MACROD2: variants seen among roughly 807,000 people sequenced by gnomAD.
MACROD2 encodes the protein mono-ADP ribosylhydrolase 2, also known as ADP-ribose glycohydrolase MACROD2.
In MACROD2, 36 loss-of-function variants were observed where a neutral mutation model predicts 70.4. The observed-to-expected ratio is 0.51, with a 90% CI of 0.39 to 0.68. The LOEUF (loss-of-function observed/expected upper bound fraction) is 0.68. Ranked by LOEUF, MACROD2 falls within the 30% of genes least tolerant of loss-of-function variation. MACROD2 has a pLI of 0.00. For missense variants in MACROD2, 496 were observed against 538.4 expected, an observed-to-expected ratio of 0.92 and a Z score of 0.78; for synonymous variants, 172 against 178.8, an observed-to-expected ratio of 0.96 and a Z score of 0.30.
chr20:14,929,079 A>G (rs2074267452), intron 5 of MACROD2, among the ~76,000 whole-genome samples: 1 of 152,164 alleles, frequency 6.6e-6, no homozygotes, highest in African/African-American at 2.4e-5. Flanking sequence ...GCAAAGGAAA[A>G]CATTTCTCTA....
intron 5 of MACROD2, among the ~76,000 whole-genome samples, chr20:15,003,696 G>T (rs1447008745): frequency 6.6e-6 from 1 of 152,064 alleles, no homozygotes; most frequent in African/African-American, 2.4e-5. Context: ...AATAGGCCTT[G>T]CCCCCAAACT....
chr20:14,010,147 A>G (rs972157244), intron 2 of MACROD2, among the ~76,000 whole-genome samples: 2 of 152,218 alleles, frequency 1.3e-5, no homozygotes, highest in Admixed American at 1.3e-4. Context: ...TGGAAATTAA[A>G]AAAAAATTTG....
intron 3 of MACROD2, among the ~76,000 whole-genome samples, chr20:14,310,478 C>T (rs574982340): frequency 2.0e-5 from 3 of 152,092 alleles, no homozygotes; most frequent in African/African-American, 2.4e-5. Flanking sequence ...GCAGTACTCG[C>T]GTATTTGTGG....
At chr20:15,684,470 A>G (rs2050201143) in intron 8 of MACROD2, among the ~76,000 whole-genome samples, 1 of 152,360 alleles carries the variant, frequency 6.6e-6, no homozygotes, top group African/African-American at 2.4e-5. Flanking sequence ...TAGGACGGCT[A>G]CCACAATCAT....
At chr20:14,098,649 T>G (rs1228029555) in intron 3 of MACROD2, among the ~76,000 whole-genome samples, 6 of 152,190 alleles carry the variant, frequency 3.9e-5, no homozygotes, top group Non-Finnish European at 8.8e-5. Context: ...ATAAATGTTA[T>G]TTTTATGTAT....
chr20:15,332,815 A>T (rs2078007210), intron 6 of MACROD2, among the ~76,000 whole-genome samples: 1 of 151,640 alleles, frequency 6.6e-6, no homozygotes, highest in Non-Finnish European at 1.5e-5. Flanking sequence ...TGGGGATAGA[A>T]GCTGAGACCA....
intron 4 of MACROD2, among the ~76,000 whole-genome samples, chr20:14,642,893 G>A (rs994017051): frequency 1.3e-5 from 2 of 151,884 alleles, no homozygotes; most frequent in Non-Finnish European, 2.9e-5. Flanking sequence ...TGGAAAAAGT[G>A]GTGCTGATAG....
chr20:15,065,992 T>A (rs369393966), intron 5 of MACROD2, among the ~76,000 whole-genome samples: 3 of 152,198 alleles, frequency 2.0e-5, no homozygotes. Flanking sequence ...TGAGTTTAGG[T>A]TTGCTCCACA....
chr20:15,525,552 T>G (rs1038559865), intron 8 of MACROD2, among the ~76,000 whole-genome samples: 2 of 152,222 alleles, frequency 1.3e-5, no homozygotes, highest in African/African-American at 4.8e-5. Context: ...TTCACAGTAA[T>G]GAACCCAAAG....
intron 16 of MACROD2, among the ~76,000 whole-genome samples, chr20:16,044,227 T>G (rs181329975): frequency 1.1e-4 from 17 of 152,146 alleles, no homozygotes; most frequent in African/African-American, 3.9e-4. Context: ...CACACACTTT[T>G]AAACAACCAG....
intron 5 of MACROD2, among the ~76,000 whole-genome samples, chr20:14,697,758 T>C (rs1196019343): frequency 6.6e-6 from 1 of 152,208 alleles, no homozygotes; most frequent in Admixed American, 6.5e-5. Context: ...TAATTATCAC[T>C]GTTCTTGAGG....
At chr20:15,209,087 T>TGTG (rs537024871) in intron 5 of MACROD2, among the ~76,000 whole-genome samples, 233 of 151,678 alleles carry the variant, frequency 1.5e-3, no homozygotes, top group South Asian at 5.9e-3. Context: ...ATCCCTTTCC[T>TGTG]GTGGTGGTGG....
rs149186442 is a variant in MACROD2, at chr20:14,388,662, A to G, written c.272-104817A>G. On this transcript the variant is annotated intron_variant, in intron 3 of 17. Transcript: ENST00000684519. ...TTCAGAAAATGAATTGTCTGTCAGA[A>G]CTAGCAGGCCATCTGCAGCCGCAGA... is the stretch of plus-strand genomic sequence containing the variant. Among the ~76,000 whole-genome samples, 729 of 152,280 alleles carry G rather than the reference A, an allele frequency of 4.8e-3. 4 individuals are homozygous for G. Among genetic ancestry groups the G allele is most frequent in the African/African-American group, 0.017 (706 of 41,546 alleles).
chr20:15,094,564 A>T (rs114513561), intron 5 of MACROD2, among the ~76,000 whole-genome samples: 2,383 of 152,252 alleles, frequency 0.016, 62 homozygotes, highest in African/African-American at 0.055. Context: ...AATAAATTCA[A>T]CCACATAACT....
intron 5 of MACROD2, among the ~76,000 whole-genome samples, chr20:14,761,706 A>G (rs1273332155): frequency 1.3e-5 from 2 of 152,044 alleles, no homozygotes; most frequent in African/African-American, 4.8e-5. Context: ...TAAGGCCACC[A>G]ATCTGAAATG....
chr20:15,954,607 C>A (rs1039086982), intron 12 of MACROD2, among the ~76,000 whole-genome samples: 1 of 152,078 alleles, frequency 6.6e-6, no homozygotes, highest in Non-Finnish European at 1.5e-5. Context: ...ACAGAGGTAC[C>A]AATTAAAATT....
intron 5 of MACROD2, among the ~76,000 whole-genome samples, chr20:14,847,661 T>G (rs1011119081): frequency 3.9e-5 from 6 of 152,182 alleles, no homozygotes; most frequent in Admixed American, 2.0e-4. Flanking sequence ...AAATTGTTCA[T>G]TAGTTTTATC....
chr20:15,898,914 A>G (rs1032745826), intron 10 of MACROD2, among the ~76,000 whole-genome samples: 2 of 151,882 alleles, frequency 1.3e-5, no homozygotes, highest in Non-Finnish European at 2.9e-5. Flanking sequence ...ATATGCACAC[A>G]CACATATAGT....
chr20:15,244,352 G>A (rs923268731), intron 6 of MACROD2, among the ~76,000 whole-genome samples: 1 of 152,166 alleles, frequency 6.6e-6, no homozygotes, highest in African/African-American at 2.4e-5. Flanking sequence ...GCCATAGTAA[G>A]GTGATCATAT....
Sources: allele counts gnomAD v4.1 joint callset (sites outside exome capture counted in the v4.1 genomes callset), GRCh38; gene constraint gnomAD v4.1.1; transcripts MANE v1.5; gene names NCBI Gene and HGNC (gene_info 2026-07-23, HGNC 2026-07-21).